DGKB: variants seen among roughly 807,000 people sequenced by gnomAD.
The protein encoded by DGKB is 90 kDa diacylglycerol kinase.
Under a neutral mutation model 114.3 loss-of-function variants are expected in DGKB, and 67 were observed. The ratio of observed to expected loss-of-function variants is 0.59; its 90% CI spans 0.48 to 0.72. DGKB has a LOEUF of 0.72. DGKB is among the 30% of genes least tolerant of loss of function. The probability of loss-of-function intolerance (pLI) is 0.00; values close to 1 mark genes in which losing one functional copy is unlikely to be tolerated. For missense variants in DGKB, 907 were observed against 975.2 expected (o/e 0.93, Z 0.93); for synonymous variants, 398 against 323.1 (o/e 1.23, Z -2.49).
At chr7:14,178,850 T>C (rs1176357297) in intron 23 of DGKB, among the ~76,000 whole-genome samples, 1 of 152,130 alleles carries the variant, frequency 6.6e-6, no homozygotes, top group East Asian at 1.9e-4. Flanking sequence ...AAGGGGCTAA[T>C]AGTTAAGAGT....
chr7:14,485,096 C>CCA (rs10563734), intron 20 of DGKB, among the ~76,000 whole-genome samples: 2,166 of 141,536 alleles, frequency 0.015, 76 homozygotes, highest in East Asian at 0.081. Context: ...CACACACACA[C>CCA]CACACACACA....
At chr7:14,807,408 T>C (rs748032865) in intron 2 of DGKB, among the ~76,000 whole-genome samples, 1 of 152,046 alleles carries the variant, frequency 6.6e-6, no homozygotes, top group African/African-American at 2.4e-5. Context: ...AGTTATTAAG[T>C]AAAATTATCA....
intron 1 of DGKB, among the ~76,000 whole-genome samples, chr7:14,953,090 T>C (rs1238435080): frequency 1.3e-5 from 2 of 152,028 alleles, no homozygotes; most frequent in African/African-American, 2.4e-5. Context: ...CATGTAAGTA[T>C]AAAAACTATA....
At chr7:14,322,583 A>G (rs1200102509) in intron 23 of DGKB, among the ~76,000 whole-genome samples, 1 of 152,218 alleles carries the variant, frequency 6.6e-6, no homozygotes, top group Admixed American at 6.5e-5. Context: ...ATAAAAAGCA[A>G]TAAGAAAAAA....
intron 23 of DGKB, among the ~76,000 whole-genome samples, chr7:14,275,813 G>C (rs1283630860): frequency 6.6e-6 from 1 of 152,144 alleles, no homozygotes; most frequent in Non-Finnish European, 1.5e-5. Flanking sequence ...TAATTGCCAT[G>C]ATATGATGAT....
intron 6 of DGKB, among the ~76,000 whole-genome samples, chr7:14,706,052 T>G (rs1477505064): frequency 6.7e-6 from 1 of 149,950 alleles, no homozygotes; most frequent in African/African-American, 2.5e-5. Context: ...CCCATCAGTG[T>G]GCTGTATTCA....
Position 14,790,281 on chromosome 7 carries a change from C to A in DGKB, c.71-32550G>T, listed in dbSNP as rs369227410. On this transcript the variant is annotated intron_variant, in intron 2 of 25. Coordinates refer to ENST00000402815, the MANE Select transcript of DGKB (RefSeq NM_001350709.2). Reference sequence around the variant, plus strand: ...TCTTAACAGAATCTATAGAAGACCACGAGTTTTTTATTTTGATGAAGTCCA... The same window carrying A: ...TCTTAACAGAATCTATAGAAGACCAAGAGTTTTTTATTTTGATGAAGTCCA... Among the ~76,000 whole-genome samples the A allele has an allele frequency of 2.0e-5, 3 of 152,258 alleles. No individual in the cohort carries two copies. In the East Asian group the frequency reaches 5.8e-4, roughly 29 times the overall value.
chr7:14,514,391 T>G (rs1788446137), intron 20 of DGKB, among the ~76,000 whole-genome samples: 1 of 152,120 alleles, frequency 6.6e-6, no homozygotes, highest in South Asian at 2.1e-4. Flanking sequence ...TAACTTGACT[T>G]TCCTCAAAGC....
chr7:14,545,877 G>A (rs1417247861), intron 20 of DGKB, among the ~76,000 whole-genome samples: 7 of 152,190 alleles, frequency 4.6e-5, no homozygotes, highest in Admixed American at 1.3e-4. Context: ...TCTTGAAGAA[G>A]AGACAATTAT....
At chr7:14,972,641 A>G (rs555193347) in intron 1 of DGKB, among the ~76,000 whole-genome samples, 53 of 150,498 alleles carry the variant, frequency 3.5e-4, no homozygotes, top group African/African-American at 1.3e-3. Context: ...TTATAAGAAG[A>G]TGATTGCTGA....
chr7:14,620,634 A>T (rs1218371931), intron 15 of DGKB, among the ~76,000 whole-genome samples: 1 of 151,810 alleles, frequency 6.6e-6, no homozygotes, highest in African/African-American at 2.4e-5. Context: ...AACATACTTA[A>T]ATCCACAATT....
intron 23 of DGKB, among the ~76,000 whole-genome samples, chr7:14,265,363 A>G (rs38277): frequency 0.56 from 68,205 of 121,980 alleles, 20,370 homozygotes; most frequent in East Asian, 0.99. Context: ...TTCAGATATT[A>G]CCCATCTTAA....
chr7:14,946,552 T>C (rs992240445), intron 1 of DGKB, among the ~76,000 whole-genome samples: 2 of 151,744 alleles, frequency 1.3e-5, no homozygotes, highest in African/African-American at 4.8e-5. Flanking sequence ...CATAGTTCAA[T>C]AACAGCATCC....
chr7:14,621,126 C>A, intron 15 of DGKB: 2 of 359,576 alleles, frequency 5.6e-6, no homozygotes, highest in East Asian at 6.1e-5. Context: ...ATTTTCAAAT[C>A]TTTCAAAAGA....
chr7:14,594,946 G>C (rs1244258040), intron 17 of DGKB, among the ~76,000 whole-genome samples: 5 of 152,056 alleles, frequency 3.3e-5, no homozygotes, highest in Non-Finnish European at 7.4e-5. Context: ...ATAGATTCCA[G>C]AGATTCAAAA....
intron 2 of DGKB, among the ~76,000 whole-genome samples, chr7:14,775,541 G>A (rs1459062762): frequency 6.6e-6 from 1 of 151,874 alleles, no homozygotes; most frequent in Non-Finnish European, 1.5e-5. Context: ...GAGCGACCTA[G>A]TGGGAGATAA....
intron 1 of DGKB, among the ~76,000 whole-genome samples, chr7:14,972,977 T>G (rs1340835283): frequency 6.6e-6 from 1 of 152,046 alleles, no homozygotes; most frequent in Non-Finnish European, 1.5e-5. Flanking sequence ...ATGCTTGTAT[T>G]ATATGATAAA....
rs117456094 is a variant in DGKB, at chr7:14,630,036, T to C, written c.1167+200A>G. On this transcript the variant is annotated intron_variant, in intron 14 of 25. Coordinates refer to ENST00000402815, the MANE Select transcript of DGKB (RefSeq NM_001350709.2). ...GTTTTCTTAATGCTTATCACAAATA[T>C]AGATGGAAAATTCTTCAAGTCTATC... Among the ~76,000 whole-genome samples, 6 of 152,194 alleles carry C rather than the reference T, an allele frequency of 3.9e-5. No homozygotes were observed. The East Asian group carries it at 1.2e-3, about 29-fold the overall frequency.
chr7:14,604,435 T>C (rs753842787), intron 17 of DGKB, among the ~76,000 whole-genome samples: 2 of 152,028 alleles, frequency 1.3e-5, no homozygotes, highest in Non-Finnish European at 2.9e-5. Context: ...TACATCAATC[T>C]GGTGTGGTAA....
Sources: gnomAD v4.1 joint callset for allele counts (sites outside exome capture counted in the v4.1 genomes callset) on GRCh38, gnomAD v4.1.1 for gene constraint, MANE v1.5 for transcripts, NCBI Gene and HGNC (gene_info 2026-07-23, HGNC 2026-07-21) for gene names.